Variants in SWT1 observed in about 807,000 individuals in gnomAD.
SWT1 encodes the protein SWT1 RNA endoribonuclease homolog.
A neutral mutation model predicts 107.3 loss-of-function variants in SWT1; 33 were observed. The ratio of observed to expected loss-of-function variants is 0.31; its 90% CI spans 0.23 to 0.41. The LOEUF is 0.41. Ranked by LOEUF, SWT1 falls within the 10% of genes least tolerant of loss-of-function variation. The pLI is 1.00. For missense variants in SWT1, 898 were observed against 1,028.9 expected (o/e 0.87, Z 1.74); for synonymous variants, 345 against 348.3 (o/e 0.99, Z 0.11).
chr1:185,176,525 A>G, intron 5 of SWT1: 1 of 964,630 alleles, frequency 1.0e-6, no homozygotes, highest in East Asian at 1.1e-4. Context: ...GACTACTTTG[A>G]GAACCTAATC....
At position 185,281,536 on chromosome 1, in the gene SWT1, C is replaced by T. The variant is rs1664618956; in HGVS notation, c.2573+4868C>T. 3.4e-5 allele frequency: 8 copies of T among 234,364 alleles called. No individual in the cohort carries two copies. The Admixed American group carries it at 3.9e-4, about 11-fold the overall frequency. 14.5% of individuals were successfully genotyped at this position (234,364 alleles called of 1,614,324 possible). A position where few individuals can be genotyped will look rare whatever the true frequency, so the allele number is the denominator to read the frequency against. Reference sequence around the variant, plus strand: ...TACCCATAAACCATCAGATCATCTGCCTGCTGTAGGATGTCTTCAACCTGC... The same window carrying T: ...TACCCATAAACCATCAGATCATCTGTCTGCTGTAGGATGTCTTCAACCTGC... On this transcript the variant is annotated intron_variant, in intron 18 of 18. Transcript: ENST00000367500.
chr1:185,278,126 C>T (rs1664371599), intron 18 of SWT1, among the ~76,000 whole-genome samples: 1 of 152,120 alleles, frequency 6.6e-6, no homozygotes, highest in Admixed American at 6.5e-5. Flanking sequence ...CCATGCCCAG[C>T]CGCAAATCCA....
chr1:185,193,007 T>TAA (rs1657085721), intron 10 of SWT1, among the ~76,000 whole-genome samples: 1 of 152,174 alleles, frequency 6.6e-6, no homozygotes, highest in African/African-American at 2.4e-5. Flanking sequence ...GGTGGAAACT[T>TAA]AGATCACTTA....
chr1:185,174,697 A>G lies in SWT1; in HGVS notation c.550A>G (p.Lys184Glu), dbSNP rs1484328140. 6.2e-7 allele frequency: 1 copy of G among 1,613,738 alleles called. No individual in the cohort carries two copies. The highest frequency in any genetic ancestry group is 8.5e-7 in the Non-Finnish European group (1 of 1,179,930). Reference sequence around the variant, plus strand: ...TTTACTTGTTCAGAGAGAGAAGATGAAAGAACTCAAGAAAGGAAGAAACAG... The same window carrying G: ...TTTACTTGTTCAGAGAGAGAAGATGGAAGAACTCAAGAAAGGAAGAAACAG... The part of the protein sequence containing the change: ...SHLLVQREKM[K>E]ELKKGRNSKF... Residue 184 changes from lysine to glutamate, a missense_variant, in exon 5 of 19, where the codon AAA (lysine) becomes GAA (glutamate). By Grantham distance (56) the Lys-to-Glu change is moderately conservative (BLOSUM62 1). Transcript: ENST00000367500.
Position 185,257,338 on chromosome 1 carries a change from A to G in SWT1, c.2442-13985A>G, listed in dbSNP as rs1397514479. Among the ~76,000 whole-genome samples, 1,338 of 152,004 alleles carry G rather than the reference A, an allele frequency of 8.8e-3. 16 individuals are homozygous for G. Among genetic ancestry groups the G allele is most frequent in the African/African-American group, 0.029 (1,205 of 41,446 alleles). Reference sequence around the variant, plus strand: ...TTCGAGCTTCCTGGCTGCTTTGTTTACCTAAGCAAGCCTGGGCAATGGAGG... The same window carrying G: ...TTCGAGCTTCCTGGCTGCTTTGTTTGCCTAAGCAAGCCTGGGCAATGGAGG... On this transcript the variant is annotated intron_variant, in intron 16 of 18. Transcript: ENST00000367500.
chr1:185,161,216 C>A (rs1192543411), intron 2 of SWT1, among the ~76,000 whole-genome samples: 11 of 152,100 alleles, frequency 7.2e-5, no homozygotes, highest in Admixed American at 7.2e-4. Context: ...CAATTCTAAG[C>A]CCCTTAAATC....
chr1:185,243,239 C>T (rs1252539415), intron 16 of SWT1, among the ~76,000 whole-genome samples: 1 of 151,938 alleles, frequency 6.6e-6, no homozygotes, highest in Admixed American at 6.6e-5. Context: ...CTCTGGAGTA[C>T]TTGGGACTAC....
At chr1:185,230,984 A>G (rs1660470085) in intron 15 of SWT1, among the ~76,000 whole-genome samples, 1 of 152,172 alleles carries the variant, frequency 6.6e-6, no homozygotes. Context: ...TCTGGCCTCA[A>G]GTGATCCTCC....
chr1:185,198,821 C>G (rs1657624636), intron 10 of SWT1, among the ~76,000 whole-genome samples: 1 of 150,602 alleles, frequency 6.6e-6, no homozygotes, highest in Non-Finnish European at 1.5e-5. Context: ...TTATTTTGAG[C>G]CTATGTGTGT....
intron 16 of SWT1, among the ~76,000 whole-genome samples, chr1:185,244,631 A>G (rs551267628): frequency 5.9e-5 from 9 of 152,322 alleles, no homozygotes; most frequent in African/African-American, 1.9e-4. Context: ...TGACACTACT[A>G]TAGACTATAA....
At chr1:185,229,775 A>G (rs988522589) in intron 15 of SWT1, among the ~76,000 whole-genome samples, 1 of 152,092 alleles carries the variant, frequency 6.6e-6, no homozygotes, top group South Asian at 2.1e-4. Flanking sequence ...TTTAGGCTTT[A>G]AATTAAGAAA....
Position 185,231,656 on chromosome 1 carries a change from T to C in SWT1, c.2389T>C (p.Cys797Arg), listed in dbSNP as rs745769508. ...NIASFEEAFI[C>R]LQKLMAAVRD... Reference sequence around the variant, plus strand: ...AGCATCATTTGAAGAAGCATTTATATGTCTTCAAAAGTTAATGGCAGCTGT... The same window carrying C: ...AGCATCATTTGAAGAAGCATTTATACGTCTTCAAAAGTTAATGGCAGCTGT... The change falls in exon 16 of 19, where the codon TGT (cysteine) becomes CGT (arginine). Residue 797 changes from cysteine to arginine, a missense_variant. Physicochemically the swap from Cys to Arg is radical, Grantham distance 180. This residue lies in a region of SWT1 where 382 missense variants were observed against 460.0 expected (regional missense o/e 0.83). Transcript: ENST00000367500. The C allele has an allele frequency of 1.9e-6, 3 of 1,606,318 alleles. No homozygotes were observed. The Admixed American group carries it at 5.0e-5, about 27-fold the overall frequency.
chr1:185,227,775 C>T (rs1348280728), intron 15 of SWT1: 13 of 379,650 alleles, frequency 3.4e-5, no homozygotes, highest in Non-Finnish European at 4.6e-5. Context: ...GGGAGAAAGG[C>T]GAGACATTTT....
At chr1:185,287,675 C>T (rs1470730036) in intron 18 of SWT1, among the ~76,000 whole-genome samples, 2 of 152,118 alleles carry the variant, frequency 1.3e-5, no homozygotes, top group East Asian at 1.9e-4. Context: ...TTAAGGTGCC[C>T]CTGCAGCCAA....
At chr1:185,175,715 A>G (rs1253255460) in intron 5 of SWT1, among the ~76,000 whole-genome samples, 1 of 152,244 alleles carries the variant, frequency 6.6e-6, no homozygotes, top group Non-Finnish European at 1.5e-5. Context: ...AGTTATAGAT[A>G]GTCCTTTGAA....
chr1:185,169,319 A>G (rs1654850836), intron 4 of SWT1, among the ~76,000 whole-genome samples: 1 of 143,590 alleles, frequency 7.0e-6, no homozygotes, highest in South Asian at 2.2e-4. Flanking sequence ...CTAAAACACT[A>G]TTTGACTTTA....
At chr1:185,167,011 G>A (rs1372388085) in intron 3 of SWT1, among the ~76,000 whole-genome samples, 8 of 151,992 alleles carry the variant, frequency 5.3e-5, no homozygotes, top group Non-Finnish European at 1.2e-4. Context: ...GTGTTCAAGC[G>A]ATTCTCCTGC....
At chr1:185,243,617 A>C (rs1661398827) in intron 16 of SWT1, among the ~76,000 whole-genome samples, 1 of 152,056 alleles carries the variant, frequency 6.6e-6, no homozygotes, top group Non-Finnish European at 1.5e-5. Flanking sequence ...TATATCAGAA[A>C]CCTCTGGAAT....
intron 17 of SWT1, among the ~76,000 whole-genome samples, chr1:185,273,308 G>C (rs562619144): frequency 2.6e-5 from 4 of 152,220 alleles, no homozygotes; most frequent in Admixed American, 2.6e-4. Context: ...GTAAGGCTGA[G>C]GCAGGAGAAT....
Sources: gnomAD v4.1 joint callset for allele counts (sites outside exome capture counted in the v4.1 genomes callset) on GRCh38, gnomAD v4.1.1 for gene constraint, gnomAD v4.1.1 regional missense constraint, MANE v1.5 for transcripts, NCBI Gene and HGNC (gene_info 2026-07-23, HGNC 2026-07-21) for gene names.